ZNF484: variants seen among roughly 807,000 people sequenced by gnomAD.
ZNF484 encodes the protein KRAB box containing C2H2 type zinc finger bA526D8.4.
In ZNF484, 11 loss-of-function variants were observed where a neutral mutation model predicts 12.9. The ratio of observed to expected loss-of-function variants is 0.85; its 90% CI spans 0.54 to 1.41. The LOEUF is 1.41. Among genes scored for constraint, ZNF484 ranks in the 40% most tolerant of loss-of-function variants. ZNF484 has a pLI of 0.00. For missense variants in ZNF484, 807 were observed against 1,007.7 expected (o/e 0.80, Z 2.70); for synonymous variants, 289 against 334.1 (o/e 0.86, Z 1.47).
intron 2 of ZNF484, among the ~76,000 whole-genome samples, chr9:92,873,433 GA>G (rs34728142): frequency 0.41 from 63,029 of 151,946 alleles, 14,033 homozygotes; most frequent in African/African-American, 0.57. Flanking sequence ...ACCAGTTCCT[GA>G]AAAACACACA....
chr9:92,848,443 A>G lies in ZNF484; in HGVS notation c.344T>C (p.Leu115Ser), dbSNP rs781514243. The change falls in exon 5 of 5, where the codon TTA (leucine) becomes TCA (serine). Residue 115 changes from leucine (L) to serine (S), a missense_variant. Leu to Ser is a moderately radical substitution (Grantham distance 145). Coordinates refer to ENST00000375495, the MANE Select transcript of ZNF484 (RefSeq NM_031486.4). This position sits in a 1 kb window ranked among gnomAD's most constrained non-coding sequence, Gnocchi z 4.1. ...LFTRDDPYSI[L>S]EELWKDDEHT... ...TTCATCGTCTTTCCACAATTCTTCT[A>G]AAATGGAATATGGGTCATCTCTTGT... 9 of 1,614,014 alleles carry G rather than the reference A, an allele frequency of 5.6e-6. No homozygotes were observed. The Admixed American group carries it at 6.7e-5, about 12-fold the overall frequency.
At chr9:92,873,436 A>T (rs1437742913) in intron 2 of ZNF484, among the ~76,000 whole-genome samples, 1 of 152,204 alleles carries the variant, frequency 6.6e-6, no homozygotes, top group Non-Finnish European at 1.5e-5. Flanking sequence ...AGTTCCTGAA[A>T]AACACACAAA....
intron 2 of ZNF484, 57 bp from the exon 3 acceptor site, chr9:92,856,375 C>CA (rs56233957): frequency 0.079 from 89,144 of 1,123,598 alleles, 971 homozygotes; most frequent in East Asian, 0.23. Flanking sequence ...TATTTGAATT[C>CA]AAAAAAAAAA....
rs1457776036 is a variant in ZNF484, at chr9:92,847,217, A to T, written c.1570T>A (p.Tyr524Asn). 1 of 1,613,988 alleles carries T rather than the reference A, an allele frequency of 6.2e-7. No individual in the cohort carries two copies. The highest frequency in any genetic ancestry group is 8.5e-7 in the Non-Finnish European group (1 of 1,180,034). The change falls in exon 5 of 5, where the codon TAT (tyrosine) becomes AAT (asparagine). Residue 524 changes from tyrosine to asparagine, a missense_variant. Transcript: ENST00000375495. ...GATTTTCCACAGTCGCTGCATTTATAAGGTTTCTCTCCAGTATGAATTTTT... is the reference window on the plus strand; with the variant it reads ...GATTTTCCACAGTCGCTGCATTTATTAGGTTTCTCTCCAGTATGAATTTTT... ...HQKIHTGEKP[Y>N]KCSDCGKSFT...
In ZNF484 at chr9:92,848,252, T is replaced by G. The variant is rs760261493; in HGVS notation, c.535A>C (p.Asn179His). The change falls in exon 5 of 5, where the codon AAC becomes CAC. Residue 179 changes from asparagine to histidine, a missense_variant. By Grantham distance (68) the Asn-to-His change is moderately conservative. Coordinates refer to ENST00000375495, the MANE Select transcript of ZNF484 (RefSeq NM_031486.4). This position sits in a 1 kb window ranked among gnomAD's most constrained non-coding sequence, Gnocchi z 4.1. The stretch of plus-strand genomic sequence containing the variant: ...GGCTCCAAATTCTTTCCACACGAGT[T>G]ACAGTTATGGGGTCTTTTTCTTGAG... ...VSSRKRPHNC[N>H]SCGKNLEPII... is the part of the protein sequence containing the mutation. The G allele has an allele frequency of 1.9e-6, 3 of 1,614,180 alleles. No individual in the cohort carries two copies. Among genetic ancestry groups the G allele is most frequent in the East Asian group, 2.2e-5 (1 of 44,876 alleles).
chr9:92,871,868 A>G (rs1208699406), intron 2 of ZNF484, among the ~76,000 whole-genome samples: 1 of 152,234 alleles, frequency 6.6e-6, no homozygotes, highest in Non-Finnish European at 1.5e-5. Context: ...GGCTGTCCTT[A>G]AAATAGGAAG....
At chr9:92,871,981 A>G (rs1017682391) in intron 2 of ZNF484, among the ~76,000 whole-genome samples, 1 of 152,174 alleles carries the variant, frequency 6.6e-6, no homozygotes, top group African/African-American at 2.4e-5. Context: ...TGTAATCCCA[A>G]TACTTTGGGA....
intron 2 of ZNF484, among the ~76,000 whole-genome samples, chr9:92,865,649 G>A (rs1857024385): frequency 6.6e-6 from 1 of 152,210 alleles, no homozygotes; most frequent in South Asian, 2.1e-4. Context: ...GCTCAGGCCT[G>A]TAATCCTAGC....
chr9:92,852,293 G>T (rs1856141855), intron 4 of ZNF484, among the ~76,000 whole-genome samples: 2 of 152,098 alleles, frequency 1.3e-5, no homozygotes, highest in African/African-American at 4.8e-5. Context: ...GTTTGTTTTT[G>T]TTTTTGTTTT....
chr9:92,855,850 A>G lies in ZNF484; in HGVS notation c.196T>C (p.Cys66Arg). The change falls in exon 4 of 5, where the codon TGT becomes CGT. Residue 66 changes from cysteine (C) to arginine (R), a missense_variant. Transcript: ENST00000375495. ...VIFSLEQEEP[C>R]MLDGEIPSQS... ...CTGGGGATCTCACCATCCAACATAC[A>G]TGGCTCTTCTTGTTCCAAGCTGAAG... The G allele has an allele frequency of 6.2e-7, 1 of 1,614,068 alleles. No homozygotes were observed. The highest frequency in any genetic ancestry group is 2.2e-5 in the East Asian group (1 of 44,878).
Position 92,847,614 on chromosome 9 carries a change from T to A in ZNF484, c.1173A>T (p.Lys391Asn). The A allele has an allele frequency of 6.2e-7, 1 of 1,614,144 alleles. No homozygotes were observed. Among genetic ancestry groups the A allele is most frequent in the Non-Finnish European group, 8.5e-7 (1 of 1,180,024 alleles). ...TTAGTGTTGATTTCCTTGTGAAAGC[T>A]TTTCCACATTCAGTACATTCAAAGT... The part of the protein sequence containing the change: ...GKHFECTECG[K>N]AFTRKSTLSM... Residue 391 changes from lysine (K) to asparagine (N), a missense_variant, in exon 5 of 5, where the codon AAA becomes AAT. By Grantham distance (94) the Lys-to-Asn change is moderately conservative (BLOSUM62 0). Transcript: ENST00000375495.
intron 2 of ZNF484, among the ~76,000 whole-genome samples, chr9:92,859,511 C>T (rs891169937): frequency 6.6e-6 from 1 of 152,106 alleles, no homozygotes. Context: ...TGAGCACAGA[C>T]AAAAAAGGCC....
intron 2 of ZNF484, among the ~76,000 whole-genome samples, chr9:92,870,637 G>A (rs1006550716): frequency 7.9e-5 from 12 of 152,210 alleles, no homozygotes; most frequent in African/African-American, 2.7e-4. Context: ...GCAGTAATGC[G>A]ACACTCTTCC....
At chr9:92,869,779 G>A (rs1338427736) in intron 2 of ZNF484, among the ~76,000 whole-genome samples, 1 of 152,136 alleles carries the variant, frequency 6.6e-6, no homozygotes, top group Non-Finnish European at 1.5e-5. Context: ...ACTAAACTGA[G>A]TTCAAAGTGA....
At chr9:92,852,529 CTTTTTTTTTTTTT>C (rs760841960) in intron 4 of ZNF484, among the ~76,000 whole-genome samples, 4 of 63,450 alleles carry the variant, frequency 6.3e-5, no homozygotes, top group Non-Finnish European at 8.2e-5. Context: ...CACGCCCAGC[CTTTTTTTTTTTTT>C]TTTTTTTTTT....
At chr9:92,858,992 G>C (rs1242708498) in intron 2 of ZNF484, among the ~76,000 whole-genome samples, 1 of 152,074 alleles carries the variant, frequency 6.6e-6, no homozygotes, top group East Asian at 1.9e-4. Flanking sequence ...TGGGTGTGGT[G>C]GTGGGCACCT....
chr9:92,847,262 A>AAAAGG lies in ZNF484; in HGVS notation c.1524_1525insCCTTT (p.Ser509ProfsTer61), dbSNP rs1329165588. ...ATTTTTTGGTGCTTAATGAGATTTG[A>AAAAGG]CCTGTCAGTAAAGGCCTTACCACAC... is the stretch of plus-strand genomic sequence containing the variant. On this transcript the variant is annotated frameshift_variant, in exon 5 of 5. Transcript: ENST00000375495. LOFTEE classifies it low-confidence loss of function (END_TRUNC). The AAAAGG allele has an allele frequency of 7.4e-6, 12 of 1,613,950 alleles. No homozygotes were observed. Among genetic ancestry groups the AAAAGG allele is most frequent in the Middle Eastern group, 1.6e-4 (1 of 6,084 alleles).
At chr9:92,864,401 T>C (rs1009793900) in intron 2 of ZNF484, among the ~76,000 whole-genome samples, 3 of 151,868 alleles carry the variant, frequency 2.0e-5, no homozygotes, top group African/African-American at 7.3e-5. Context: ...TCAAGTGACG[T>C]GAGGTTGAAA....
At chr9:92,874,319 T>TC (rs1564118935) in intron 2 of ZNF484, among the ~76,000 whole-genome samples, 30 of 151,304 alleles carry the variant, frequency 2.0e-4, no homozygotes, top group East Asian at 1.9e-3. Context: ...TCTTTTTTTT[T>TC]TTTTTTTTTG....
Sources: gnomAD v4.1 joint callset for allele counts (sites outside exome capture counted in the v4.1 genomes callset) on GRCh38, gnomAD v4.1.1 for gene constraint, Gnocchi (gnomAD v3.1) non-coding constraint, MANE v1.5 for transcripts, NCBI Gene and HGNC (gene_info 2026-07-23, HGNC 2026-07-21) for gene names.